Variants in RBFOX1 observed in about 807,000 individuals in gnomAD.
RBFOX1 encodes the protein RNA binding fox-1 homolog 1.
Under a neutral mutation model 57.7 loss-of-function variants are expected in RBFOX1, and 8 were observed. The ratio of observed to expected loss-of-function variants is 0.14; its 90% CI spans 0.08 to 0.25. RBFOX1 has a LOEUF of 0.25. Among genes scored for constraint, RBFOX1 ranks in the 10% least tolerant of loss-of-function variants. The pLI, the probability that RBFOX1 is intolerant of heterozygous loss-of-function variation, is 1.00. For missense variants in RBFOX1, 611 were observed against 548.5 expected, an observed-to-expected ratio of 1.11 and a Z score of -1.14; for synonymous variants, 326 against 222.4, an observed-to-expected ratio of 1.47 and a Z score of -4.15.
At chr16:5,360,076 C>G (rs979677587) in intron 1 of RBFOX1, among the ~76,000 whole-genome samples, 1 of 152,210 alleles carries the variant, frequency 6.6e-6, no homozygotes, top group African/African-American at 2.4e-5. Flanking sequence ...TGGGTAGTCA[C>G]TGTCTTGCGG....
At chr16:6,669,848 G>A (rs2098753220) in intron 3 of RBFOX1, among the ~76,000 whole-genome samples, 1 of 152,198 alleles carries the variant, frequency 6.6e-6, no homozygotes. Flanking sequence ...GAGCCAGGCA[G>A]GCAGATCTGA....
intron 2 of RBFOX1, among the ~76,000 whole-genome samples, chr16:6,542,483 C>CTTTTTTTGTTTTTTTTTTTT: frequency 1.8e-5 from 1 of 55,720 alleles, no homozygotes; most frequent in Non-Finnish European, 3.0e-5. Flanking sequence ...GGACCATAGT[C>CTTTTTTTGTTTTTTTTTTTT]TTTTTTTTTT....
intron 3 of RBFOX1, among the ~76,000 whole-genome samples, chr16:6,938,449 T>A (rs2077739649): frequency 6.6e-6 from 1 of 152,222 alleles, no homozygotes; most frequent in Non-Finnish European, 1.5e-5. Flanking sequence ...ATTTTTGTTG[T>A]TCTTGCCATC....
intron 2 of RBFOX1, among the ~76,000 whole-genome samples, chr16:6,505,146 G>A (rs1384280754): frequency 6.6e-6 from 1 of 152,128 alleles, no homozygotes; most frequent in East Asian, 1.9e-4. Context: ...AGACTTGGGG[G>A]TTTCTGCCCT....
intron 4 of RBFOX1, among the ~76,000 whole-genome samples, chr16:7,441,692 C>T (rs1040267636): frequency 6.6e-5 from 10 of 152,186 alleles, no homozygotes; most frequent in African/African-American, 1.7e-4. Flanking sequence ...AAAAATCAGA[C>T]GATCTGGCAT....
intron 3 of RBFOX1, among the ~76,000 whole-genome samples, chr16:5,721,246 A>C (rs1007027893): frequency 6.6e-6 from 1 of 152,092 alleles, no homozygotes; most frequent in African/African-American, 2.4e-5. Flanking sequence ...TAGTTTCATG[A>C]GTTGTTCATT....
chr16:6,919,451 T>G (rs1282344460), intron 3 of RBFOX1, among the ~76,000 whole-genome samples: 2 of 35,202 alleles, frequency 5.7e-5, no homozygotes, highest in South Asian at 8.4e-4. Context: ...ACATAGAGGG[T>G]TTTTTTTTTT....
At chr16:6,905,653 G>A (rs1158431092) in intron 3 of RBFOX1, among the ~76,000 whole-genome samples, 2 of 151,778 alleles carry the variant, frequency 1.3e-5, no homozygotes, top group Admixed American at 1.3e-4. Flanking sequence ...TAGCAACATT[G>A]CCCCCACCAT....
intron 1 of RBFOX1, among the ~76,000 whole-genome samples, chr16:6,283,703 C>T (rs767121650): frequency 6.6e-6 from 1 of 152,204 alleles, no homozygotes; most frequent in Non-Finnish European, 1.5e-5. Context: ...CCCAGAGATC[C>T]TTCCAGAAGG....
rs143139398 is a variant in RBFOX1, at chr16:6,843,651, C to T, written c.-16+189001C>T. ...TTGCAGTGAGCCGACATCGCGCCAC[C>T]GCACTCCAGCCTGGGTGACAGAGCG... On this transcript the variant is annotated intron_variant, in intron 3 of 15. Coordinates refer to ENST00000550418, the MANE Select transcript of RBFOX1 (RefSeq NM_018723.4). Among the ~76,000 whole-genome samples the T allele has an allele frequency of 4.5e-3, 678 of 152,198 alleles. 5 individuals are homozygous for T. Among genetic ancestry groups the T allele is most frequent in the Middle Eastern group, 0.017 (5 of 294 alleles).
chr16:6,029,333 G>C (rs1331729750), intron 1 of RBFOX1, among the ~76,000 whole-genome samples: 3 of 152,186 alleles, frequency 2.0e-5, no homozygotes, highest in Non-Finnish European at 2.9e-5. Flanking sequence ...CTACTGAATT[G>C]TGCTTCGCTG....
Position 6,744,110 on chromosome 16 carries a change from G to C in RBFOX1, c.-16+89460G>C, listed in dbSNP as rs146420191. On this transcript the variant is annotated intron_variant, in intron 3 of 15. Coordinates refer to ENST00000550418, the MANE Select transcript of RBFOX1 (RefSeq NM_018723.4). ...TAACTATACTGATATCACACAAATA[G>C]ATTCTAGAGAAAAATACATCAGGGA... Among the ~76,000 whole-genome samples the C allele has an allele frequency of 1.2e-3, 189 of 152,142 alleles. 2 individuals are homozygous for C. In the East Asian group the frequency reaches 0.017, roughly 14 times the overall value.
intron 2 of RBFOX1, among the ~76,000 whole-genome samples, chr16:6,602,936 A>G (rs741169): frequency 0.29 from 44,274 of 151,938 alleles, 6,717 homozygotes; most frequent in African/African-American, 0.37. Context: ...AGAGCTGGAG[A>G]TTGGGAATCC....
chr16:6,875,341 C>G (rs1444353121), intron 3 of RBFOX1, among the ~76,000 whole-genome samples: 2 of 152,070 alleles, frequency 1.3e-5, no homozygotes, highest in Non-Finnish European at 2.9e-5. Flanking sequence ...TTAATCTGTC[C>G]TTTATACACA....
intron 2 of RBFOX1, among the ~76,000 whole-genome samples, chr16:6,500,549 T>TA (rs1325508311): frequency 6.6e-6 from 1 of 152,166 alleles, no homozygotes; most frequent in Non-Finnish European, 1.5e-5. Flanking sequence ...TGTTCCATAA[T>TA]ATTCTGAACA....
intron 4 of RBFOX1, among the ~76,000 whole-genome samples, chr16:7,256,443 T>A (rs1421092206): frequency 1.3e-5 from 2 of 152,222 alleles, no homozygotes; most frequent in Non-Finnish European, 2.9e-5. Flanking sequence ...TGTCTCAATC[T>A]TTTATGGCAT....
At chr16:7,205,073 A>T (rs2089637839) in intron 4 of RBFOX1, among the ~76,000 whole-genome samples, 1 of 152,186 alleles carries the variant, frequency 6.6e-6, no homozygotes, top group Non-Finnish European at 1.5e-5. Flanking sequence ...GGTAGAAGTT[A>T]CATGTGGAAT....
intron 3 of RBFOX1, among the ~76,000 whole-genome samples, chr16:6,859,538 T>C (rs1367712100): frequency 6.6e-6 from 1 of 152,108 alleles, no homozygotes; most frequent in East Asian, 1.9e-4. Context: ...ATGTGAGTGG[T>C]TTTTATGCTG....
intron 3 of RBFOX1, among the ~76,000 whole-genome samples, chr16:6,702,501 C>T (rs949306814): frequency 2.0e-5 from 3 of 151,972 alleles, no homozygotes; most frequent in African/African-American, 4.8e-5. Flanking sequence ...CTACAGTGAG[C>T]CAAGATTGTG....
Sources: allele counts gnomAD v4.1 joint callset (sites outside exome capture counted in the v4.1 genomes callset), GRCh38; gene constraint gnomAD v4.1.1; transcripts MANE v1.5; gene names NCBI Gene and HGNC (gene_info 2026-07-23, HGNC 2026-07-21).